The following RASSF3 variants were observed in gnomAD, a reference collection of about 807,000 sequenced individuals.
The protein encoded by RASSF3 is Ras association domain family member 3, also known as ras association domain-containing protein 3.
Under a neutral mutation model 19.9 loss-of-function variants are expected in RASSF3, and 19 were observed. The observed-to-expected ratio is 0.96, with a 90% CI of 0.67 to 1.40. The LOEUF is 1.40. RASSF3 is among the 40% of genes most tolerant of loss of function. The pLI is 0.00. For synonymous variants in RASSF3, 110 were observed against 104.2 expected, an observed-to-expected ratio of 1.06 and a Z score of -0.34; for missense variants, 306 against 289.8, an observed-to-expected ratio of 1.06 and a Z score of -0.41.
At chr12:64,651,900 A>G (rs953291544) in intron 1 of RASSF3, among the ~76,000 whole-genome samples, 1 of 152,018 alleles carries the variant, frequency 6.6e-6, no homozygotes, top group Non-Finnish European at 1.5e-5. Context: ...GGCTCAAGCA[A>G]TCCTCCTGCC....
At chr12:64,683,217 T>C (rs1873202603) in intron 1 of RASSF3, among the ~76,000 whole-genome samples, 1 of 152,260 alleles carries the variant, frequency 6.6e-6, no homozygotes, top group Non-Finnish European at 1.5e-5. Context: ...ACATTTTTTT[T>C]CAGCAGTTTA....
intron 1 of RASSF3, among the ~76,000 whole-genome samples, chr12:64,612,105 G>A (rs1418530736): frequency 1.3e-5 from 2 of 152,158 alleles, no homozygotes; most frequent in Admixed American, 1.3e-4. Context: ...AGATTGCTGT[G>A]AAGTTTGGAA....
At chr12:64,606,086 G>C (rs1870186772), upstream of RASSF3, among the ~76,000 whole-genome samples, 1 of 152,058 alleles carries the variant, frequency 6.6e-6, no homozygotes, top group Admixed American at 6.6e-5. Flanking sequence ...AAGATCCAGA[G>C]GAAGAAGACA....
rs1406552844 is a variant in RASSF3 at position 64,678,657 on chromosome 12, A to AAAAAAAC, written c.112-6124_112-6123insCAAAAAA. ...AAGAGATCCGTAATACCAAAAAAAA[A>AAAAAAAC]AAAAAAAACCAAACAAAAACCCAAA... is the stretch of plus-strand genomic sequence containing the variant. On this transcript the variant is annotated intron_variant, in intron 1 of 4. Coordinates refer to ENST00000542104, the MANE Select transcript of RASSF3 (RefSeq NM_178169.4). 3.2e-4 allele frequency among the ~76,000 whole-genome samples: 47 copies of AAAAAAAC among 147,596 alleles called. 1 individual carries two copies. The highest frequency in any genetic ancestry group is 1.2e-3 in the African/African-American group (47 of 38,300).
In RASSF3 at chr12:64,680,042, C is replaced by T. The variant is rs559784142; in HGVS notation, c.112-4745C>T. On this transcript the variant is annotated intron_variant, in intron 1 of 4. Coordinates refer to ENST00000542104, the MANE Select transcript of RASSF3 (RefSeq NM_178169.4). ...TTTTAACCCTTCTTTCTTGCTCTCA[C>T]CCCTTTACCTGTTGGAGCTACTATG... 1.5e-4 allele frequency among the ~76,000 whole-genome samples: 23 copies of T among 152,280 alleles called. No individual in the cohort carries two copies. The South Asian group carries it at 1.7e-3, about 11-fold the overall frequency.
chr12:64,525,622 A>G (rs1868567885), intron 1 of RASSF3, among the ~76,000 whole-genome samples: 1 of 152,206 alleles, frequency 6.6e-6, no homozygotes. Context: ...ACTTAAGATC[A>G]TAATGAGCCT....
chr12:64,567,857 G>A (rs143943236), intron 2 of RASSF3, among the ~76,000 whole-genome samples: 7 of 152,330 alleles, frequency 4.6e-5, no homozygotes, highest in Non-Finnish European at 7.3e-5. Flanking sequence ...CCAGGCAGGC[G>A]TAATGGGAGA....
At chr12:64,676,507 T>C (rs1276002342) in intron 1 of RASSF3, among the ~76,000 whole-genome samples, 3 of 142,976 alleles carry the variant, frequency 2.1e-5, no homozygotes, top group Non-Finnish European at 4.5e-5. Flanking sequence ...AATCTTGCTC[T>C]GTCGCCCAGG....
intron 2 of RASSF3, among the ~76,000 whole-genome samples, chr12:64,588,155 C>CA (rs1235225703): frequency 1.3e-5 from 2 of 152,102 alleles, no homozygotes; most frequent in East Asian, 3.9e-4. Context: ...CAGCTCATTG[C>CA]AATCTCCACC....
chr12:64,516,430 TAG>T (rs1868366651), intron 1 of RASSF3, among the ~76,000 whole-genome samples: 1 of 148,678 alleles, frequency 6.7e-6, no homozygotes, highest in Non-Finnish European at 1.5e-5. Context: ...CCATCCCGAC[TAG>T]AACGGTGAAA....
At chr12:64,581,110 TAA>T (rs749206943) in intron 2 of RASSF3, among the ~76,000 whole-genome samples, 7 of 143,554 alleles carry the variant, frequency 4.9e-5, no homozygotes, top group African/African-American at 5.1e-5. Context: ...ATTACTGTGG[TAA>T]AAAAAAAAAA....
intron 2 of RASSF3, among the ~76,000 whole-genome samples, chr12:64,575,126 C>T (rs918708207): frequency 6.6e-6 from 1 of 152,200 alleles, no homozygotes; most frequent in Non-Finnish European, 1.5e-5. Flanking sequence ...CATTTATGTA[C>T]ATAGCAAATC....
intron 1 of RASSF3, chr12:64,655,079 G>C (rs1402473120): frequency 6.6e-6 from 1 of 152,178 alleles, no homozygotes; most frequent in East Asian, 1.9e-4. Flanking sequence ...CAAGGGGAGA[G>C]CTTTAATTCA....
chr12:64,532,145 A>G (rs1313024999), upstream of RASSF3, among the ~76,000 whole-genome samples: 1 of 152,260 alleles, frequency 6.6e-6, no homozygotes, highest in East Asian at 1.9e-4. Flanking sequence ...GAGCTTGAGC[A>G]CAAGTCAACG....
chr12:64,610,763 C>G lies in RASSF3; in HGVS notation c.111+20C>G. The G allele has an allele frequency of 6.6e-7, 1 of 1,519,974 alleles. No homozygotes were observed. The allele number at this position is 1,519,974 out of a possible 1,614,324, so 94.2% of individuals were successfully genotyped here. A position where few individuals can be genotyped will look rare whatever the true frequency, so the allele number is the denominator to read the frequency against. On this transcript the variant is annotated intron_variant, in intron 1 of 4. Coordinates refer to ENST00000542104, the MANE Select transcript of RASSF3 (RefSeq NM_178169.4). ...CAACAAGTGAGTGGCGCGCGGCGGG[C>G]GCTGCAGCCCGCGCCCCAGAGTTCC...
rs111705637 is a variant in RASSF3, at chr12:64,636,617, G to A, written c.111+25874G>A. Among the ~76,000 whole-genome samples, 1,137 of 152,088 alleles carry A rather than the reference G, an allele frequency of 7.5e-3. 17 individuals are homozygous for A. Among genetic ancestry groups the A allele is most frequent in the African/African-American group, 0.026 (1,092 of 41,518 alleles). On this transcript the variant is annotated intron_variant, in intron 1 of 4. Coordinates refer to ENST00000542104, the MANE Select transcript of RASSF3 (RefSeq NM_178169.4). ...GCGGTGGCTCACGCCTGTAATCCCA[G>A]CACTTTGGGAGGCCGAGGTGGGTGG...
intron 1 of RASSF3, among the ~76,000 whole-genome samples, chr12:64,680,971 G>GTTA (rs1429996199): frequency 6.6e-6 from 1 of 152,138 alleles, no homozygotes; most frequent in Non-Finnish European, 1.5e-5. Flanking sequence ...GGATGTCTCA[G>GTTA]TTATCTATGT....
At chr12:64,517,019 A>AG (rs1314730749) in intron 1 of RASSF3, among the ~76,000 whole-genome samples, 1 of 150,772 alleles carries the variant, frequency 6.6e-6, no homozygotes, top group African/African-American at 2.4e-5. Flanking sequence ...AAAAAAAAAA[A>AG]AAGAAAGAGA....
chr12:64,606,848 T>A (rs1256967513), upstream of RASSF3, among the ~76,000 whole-genome samples: 1 of 152,134 alleles, frequency 6.6e-6, no homozygotes, highest in Non-Finnish European at 1.5e-5. Flanking sequence ...CTTGGTTGCA[T>A]ACATTTAATT....
Sources: allele counts gnomAD v4.1 joint callset (sites outside exome capture counted in the v4.1 genomes callset), GRCh38; gene constraint gnomAD v4.1.1; transcripts MANE v1.5; gene names NCBI Gene and HGNC (gene_info 2026-07-23, HGNC 2026-07-21).